TENM1: variants seen among roughly 807,000 people sequenced by gnomAD.
TENM1 encodes teneurin-1.
Under a neutral mutation model 174.8 loss-of-function variants are expected in TENM1, and 35 were observed. That is an observed-to-expected ratio of 0.20 (90% CI 0.15 to 0.27). The LOEUF is 0.27. Ranked by LOEUF, TENM1 falls within the 10% of genes least tolerant of loss-of-function variation. The probability of loss-of-function intolerance (pLI) is 1.00; values close to 1 mark genes in which losing one functional copy is unlikely to be tolerated. For synonymous variants in TENM1, 781 were observed against 798.7 expected (o/e 0.98, Z 0.37); for missense variants, 1,633 against 2,130.1 (o/e 0.77, Z 4.59).
intron 11 of TENM1, among the ~76,000 whole-genome samples, chrX:124,589,150 A>G (rs2049656875): frequency 9.3e-6 from 1 of 107,366 alleles, no homozygotes; most frequent in South Asian, 4.0e-4. Context: ...CTTTTTCCAC[A>G]TCTATTGAGA....
chrX:124,832,107 T>G (rs1003987970), intron 3 of TENM1, among the ~76,000 whole-genome samples: 1 of 111,681 alleles, frequency 9.0e-6, no homozygotes, highest in Admixed American at 9.5e-5. Flanking sequence ...GGGGAGGCCT[T>G]ATTTATTTAT....
chrX:124,716,976 C>T (rs1423285967), intron 4 of TENM1, among the ~76,000 whole-genome samples: 2 of 110,683 alleles, frequency 1.8e-5, no homozygotes, highest in Non-Finnish European at 1.9e-5. Flanking sequence ...CTTCAGGTGC[C>T]CCCTTGAGTC....
At chrX:125,105,197 A>G in the TENM1 span, among the ~76,000 whole-genome samples, 7 of 111,622 alleles carry the variant, frequency 6.3e-5, no homozygotes, top group Non-Finnish European at 9.4e-5. Flanking sequence ...AGCTTGATAC[A>G]CACAAAATCT....
At chrX:125,144,927 T>C in the TENM1 span, among the ~76,000 whole-genome samples, 32 of 109,792 alleles carry the variant, frequency 2.9e-4, no homozygotes, top group African/African-American at 9.3e-4. Context: ...TATTTTTTTT[T>C]AGTAGAGACG....
At chrX:124,434,639 C>T (rs1172208974) in intron 23 of TENM1, among the ~76,000 whole-genome samples, 1 of 112,623 alleles carries the variant, frequency 8.9e-6, no homozygotes, top group Admixed American at 9.4e-5. Flanking sequence ...CTTGTGAATA[C>T]ACAGAATGTT....
At chrX:124,502,528 A>T (rs2047356425) in intron 19 of TENM1, among the ~76,000 whole-genome samples, 1 of 112,825 alleles carries the variant, frequency 8.9e-6, no homozygotes, top group African/African-American at 3.2e-5. Flanking sequence ...AACTCTTTCA[A>T]ATCAAAACAG....
At chrX:125,038,837 C>T in the TENM1 span, among the ~76,000 whole-genome samples, 40 of 111,773 alleles carry the variant, frequency 3.6e-4, no homozygotes, top group Middle Eastern at 4.6e-3. Flanking sequence ...GCTAGGACCG[C>T]CAGTGGCAAT....
At chrX:124,742,732 T>G (rs1265535276) in intron 3 of TENM1, among the ~76,000 whole-genome samples, 1 of 110,761 alleles carries the variant, frequency 9.0e-6, no homozygotes, top group African/African-American at 3.3e-5. Context: ...TAAGGGATTA[T>G]GGGCCTGTAT....
chrX:125,121,566 G>A, the TENM1 span, among the ~76,000 whole-genome samples: 8 of 111,561 alleles, frequency 7.2e-5, no homozygotes, highest in Admixed American at 2.9e-4. Context: ...TTCAAATCTC[G>A]TAAGACACTG....
intron 22 of TENM1, among the ~76,000 whole-genome samples, chrX:124,473,528 G>A (rs7056655): frequency 2.3e-3 from 257 of 111,483 alleles, no homozygotes; most frequent in African/African-American, 7.7e-3. Context: ...GCATGTAGGC[G>A]TCCAAGTTTC....
intron 3 of TENM1, among the ~76,000 whole-genome samples, chrX:124,847,575 A>C (rs1303261651): frequency 1.8e-5 from 2 of 111,328 alleles, no homozygotes; most frequent in Non-Finnish European, 3.8e-5. Flanking sequence ...TGTGTGTGCA[A>C]AACAGAAAGC....
At chrX:124,653,417 T>A (rs2051360487) in intron 7 of TENM1, among the ~76,000 whole-genome samples, 167 bp downstream of exon 10, 1 of 111,984 alleles carries the variant, frequency 8.9e-6, no homozygotes, top group African/African-American at 3.2e-5. Flanking sequence ...TTTCTCCATG[T>A]CATTTTTTTC....
At chrX:124,909,627 A>T (rs923938136) in intron 1 of TENM1, among the ~76,000 whole-genome samples, 2 of 112,003 alleles carry the variant, frequency 1.8e-5, no homozygotes, top group Admixed American at 9.5e-5. Flanking sequence ...GATTCACTTT[A>T]CCCGCAACTT....
chrX:124,757,672 T>G (rs2148597969), intron 3 of TENM1, among the ~76,000 whole-genome samples: 1 of 112,508 alleles, frequency 8.9e-6, no homozygotes, highest in Non-Finnish European at 1.9e-5. Context: ...TTGGCTGTAT[T>G]AAATAAATAC....
At chrX:124,844,088 T>C (rs994166442) in intron 3 of TENM1, among the ~76,000 whole-genome samples, 2 of 111,199 alleles carry the variant, frequency 1.8e-5, no homozygotes, top group African/African-American at 6.5e-5. Context: ...GCACACTTTA[T>C]GTAAGAGACT....
At chrX:124,981,909 A>G in the TENM1 span, among the ~76,000 whole-genome samples, 1 of 50,170 alleles carries the variant, frequency 2.0e-5, no homozygotes, top group Non-Finnish European at 3.4e-5. Flanking sequence ...ATACATATGT[A>G]ACTAACCTGC....
intron 27 of TENM1, among the ~76,000 whole-genome samples, chrX:124,404,750 G>T (rs2060442877): frequency 9.0e-6 from 1 of 111,162 alleles, no homozygotes; most frequent in Non-Finnish European, 1.9e-5. Context: ...TCTCCAGCCA[G>T]ACTTTCTTGG....
chrX:124,648,546 A>G (rs2051217058), intron 8 of TENM1, among the ~76,000 whole-genome samples: 1 of 112,420 alleles, frequency 8.9e-6, no homozygotes, highest in Non-Finnish European at 1.9e-5. Flanking sequence ...AACTCATTAA[A>G]ACACTAGTTA....
At chrX:125,088,896 T>C in the TENM1 span, among the ~76,000 whole-genome samples, 2 of 111,283 alleles carry the variant, frequency 1.8e-5, no homozygotes, top group Non-Finnish European at 3.8e-5. Context: ...AAATAAAATA[T>C]ATTGAGTCAA....
Sources: gnomAD v4.1 joint callset for allele counts (sites outside exome capture counted in the v4.1 genomes callset) on GRCh38, gnomAD v4.1.1 for gene constraint, MANE v1.5 for transcripts, NCBI Gene and HGNC (gene_info 2026-07-23, HGNC 2026-07-21) for gene names.